The following NFAT5 variants were observed in gnomAD, a reference collection of about 807,000 sequenced individuals.
NFAT5 encodes the protein nuclear factor of activated T-cells 5.
In NFAT5, 31 loss-of-function variants were observed where a neutral mutation model predicts 166.5. The ratio of observed to expected loss-of-function variants is 0.19; its 90% CI spans 0.14 to 0.25. NFAT5 has a LOEUF of 0.25. Ranked by LOEUF, NFAT5 falls within the 10% of genes least tolerant of loss-of-function variation. NFAT5 has a pLI of 1.00. For synonymous variants in NFAT5, 612 were observed against 639.7 expected, an observed-to-expected ratio of 0.96 and a Z score of 0.65; for missense variants, 1,449 against 1,821.8, an observed-to-expected ratio of 0.80 and a Z score of 3.72.
chr16:69,576,285 C>T (rs1159598557), intron 2 of NFAT5, among the ~76,000 whole-genome samples: 7 of 125,208 alleles, frequency 5.6e-5, no homozygotes, highest in Non-Finnish European at 1.1e-4. Context: ...GAGTGAGACT[C>T]GGTCTCAAAA....
At chr16:69,636,557 G>C (rs150709649) in intron 3 of NFAT5, among the ~76,000 whole-genome samples, 21 of 152,322 alleles carry the variant, frequency 1.4e-4, no homozygotes, top group African/African-American at 5.1e-4. Context: ...AATCTAGGCG[G>C]AGGTTCCCAA....
chr16:69,574,408 C>G (rs1203794663), intron 2 of NFAT5, among the ~76,000 whole-genome samples: 1 of 152,066 alleles, frequency 6.6e-6, no homozygotes, highest in Non-Finnish European at 1.5e-5. Flanking sequence ...GCTGTGTCTT[C>G]TGTTTGCTTT....
chr16:69,576,179 A>C (rs1307673008), intron 2 of NFAT5, among the ~76,000 whole-genome samples: 1 of 151,228 alleles, frequency 6.6e-6, no homozygotes, highest in Non-Finnish European at 1.5e-5. Flanking sequence ...GTGGGCGGGC[A>C]CCTGTAGTCC....
At position 69,693,979 on chromosome 16, in the gene NFAT5, C is replaced by T. The variant is rs1247150539; in HGVS notation, c.4154C>T (p.Ser1385Phe). 1 of 1,614,206 alleles carries T rather than the reference C, an allele frequency of 6.2e-7. No homozygotes were observed. The highest frequency in any genetic ancestry group is 1.7e-5 in the Admixed American group (1 of 60,030). The change falls in exon 13 of 15, where the codon TCT (serine) becomes TTT (phenylalanine). Residue 1385 changes from serine (S) to phenylalanine (F), a missense_variant. Around this residue, in one of 7 missense-constraint regions of NFAT5, gnomAD observed 891 missense variants for 993.0 expected, o/e 0.90. Coordinates refer to ENST00000349945, the MANE Select transcript of NFAT5 (RefSeq NM_138713.4). ...CAGTTGGTACAAGGGTCACCTAGTT[C>T]TCAAGAGCAGCAAGTAACTCTCTTC... ...QIQLVQGSPS[S>F]QEQQVTLFLS... is the part of the protein sequence containing the mutation.
intron 3 of NFAT5, among the ~76,000 whole-genome samples, chr16:69,636,678 C>A (rs1175159172): frequency 6.6e-6 from 1 of 152,208 alleles, no homozygotes; most frequent in Non-Finnish European, 1.5e-5. Flanking sequence ...ACATTGGCCC[C>A]TTTCAGCTAT....
intron 7 of NFAT5, among the ~76,000 whole-genome samples, chr16:69,667,413 T>C (rs922936033): frequency 6.6e-6 from 1 of 151,852 alleles, no homozygotes; most frequent in South Asian, 2.1e-4. Context: ...TGCATAATTG[T>C]ATAATGTCAA....
At chr16:69,665,340 A>C (rs2036323524) in intron 7 of NFAT5, among the ~76,000 whole-genome samples, 1 of 140,984 alleles carries the variant, frequency 7.1e-6, no homozygotes, top group Admixed American at 7.4e-5. Flanking sequence ...AGGAGAAGGA[A>C]ATAAAGGGTA....
chr16:69,617,013 G>A (rs1033787014), intron 2 of NFAT5, among the ~76,000 whole-genome samples: 8 of 148,928 alleles, frequency 5.4e-5, no homozygotes, highest in African/African-American at 7.5e-5. Flanking sequence ...GCGCGATCTC[G>A]GCTCACTGCA....
rs1241952671 is a variant in NFAT5 at position 69,700,025 on chromosome 16, TA to T, written c.*3681del. The T allele has an allele frequency of 2.0e-5, 3 of 152,256 alleles. No individual in the cohort carries two copies. The South Asian group carries it at 6.2e-4, about 32-fold the overall frequency. 9.4% of individuals were successfully genotyped at this position (152,256 alleles called of 1,614,324 possible). A position where few individuals can be genotyped will look rare whatever the true frequency, so the allele number is the denominator to read the frequency against. Reference sequence around the variant, plus strand: ...CAAATCTGTTTTAAAACAAATAGTTTAAAAAAAGAACAAGTTTTTAAGGGCT... The same window carrying T: ...CAAATCTGTTTTAAAACAAATAGTTTAAAAAAGAACAAGTTTTTAAGGGCT... On this transcript the variant is annotated 3_prime_UTR_variant, in exon 15 of 15. Transcript: ENST00000349945.
intron 2 of NFAT5, among the ~76,000 whole-genome samples, chr16:69,624,189 T>C (rs2034337277): frequency 6.6e-6 from 1 of 152,186 alleles, no homozygotes; most frequent in East Asian, 1.9e-4. Context: ...TTTTTCCTTC[T>C]TTCTTTTATT....
At chr16:69,664,410 G>T (rs2036274885) in intron 7 of NFAT5, among the ~76,000 whole-genome samples, 1 of 151,948 alleles carries the variant, frequency 6.6e-6, no homozygotes, top group South Asian at 2.1e-4. Flanking sequence ...TCAGCCTCCC[G>T]AGTAGCTGGG....
At chr16:69,605,788 A>G (rs2033373297) in intron 2 of NFAT5, among the ~76,000 whole-genome samples, 1 of 151,230 alleles carries the variant, frequency 6.6e-6, no homozygotes, top group South Asian at 2.1e-4. Flanking sequence ...ATCTCGGCTC[A>G]CTGCAAGCTC....
chr16:69,568,366 GTGTGTGTGTGTA>G lies in NFAT5; in HGVS notation c.74-127_74-116del. On this transcript the variant is annotated intron_variant, in intron 1 of 14. Transcript: ENST00000349945. ...TATATATGTGTGTGTGTGTGTGTGTGTGTGTGTGTGTATATATATATATATATACACACACAC... is the reference window on the plus strand; with the variant it reads ...TATATATGTGTGTGTGTGTGTGTGTGTATATATATATATATACACACACAC... 7 of 383,118 alleles carry G rather than the reference GTGTGTGTGTGTA, an allele frequency of 1.8e-5. No homozygotes were observed. The East Asian group carries it at 2.6e-4, about 14-fold the overall frequency. 23.7% of individuals were successfully genotyped at this position (383,118 alleles called of 1,614,324 possible). A position where few individuals can be genotyped will look rare whatever the true frequency, so the allele number is the denominator to read the frequency against.
At chr16:69,614,878 C>CTTTT (rs55841097) in intron 2 of NFAT5, among the ~76,000 whole-genome samples, 4 of 130,982 alleles carry the variant, frequency 3.1e-5, no homozygotes, top group Non-Finnish European at 3.1e-5. Flanking sequence ...TTTCTTTTTC[C>CTTTT]TTTTTTTTTT....
chr16:69,567,115 T>C (rs924358045), intron 1 of NFAT5, among the ~76,000 whole-genome samples: 1 of 152,210 alleles, frequency 6.6e-6, no homozygotes, highest in African/African-American at 2.4e-5. Context: ...ATTGGTTTTA[T>C]TCCTCTCCTC....
At chr16:69,623,017 T>C (rs1263630973) in intron 2 of NFAT5, among the ~76,000 whole-genome samples, 1 of 152,068 alleles carries the variant, frequency 6.6e-6, no homozygotes, top group African/African-American at 2.4e-5. Flanking sequence ...TAGTGGTGTA[T>C]GCCTATAATC....
chr16:69,588,722 A>T, intron 2 of NFAT5, among the ~76,000 whole-genome samples: 1 of 152,202 alleles, frequency 6.6e-6, no homozygotes, highest in Non-Finnish European at 1.5e-5. Flanking sequence ...CATTTATTTT[A>T]TGAGTAAAAT....
intron 2 of NFAT5, among the ~76,000 whole-genome samples, chr16:69,623,349 T>TA (rs1304448104): frequency 1.3e-4 from 20 of 150,090 alleles, no homozygotes; most frequent in African/African-American, 4.7e-4. Context: ...TTTTTTTTTT[T>TA]AACAGTCTTG....
chr16:69,570,642 A>G (rs1464566823), intron 2 of NFAT5, among the ~76,000 whole-genome samples: 1 of 151,842 alleles, frequency 6.6e-6, no homozygotes, highest in Admixed American at 6.6e-5. Flanking sequence ...TATTTCTTGG[A>G]ATATTCTAGT....
Sources: allele counts gnomAD v4.1 joint callset (sites outside exome capture counted in the v4.1 genomes callset), GRCh38; gene constraint gnomAD v4.1.1; regional missense constraint gnomAD v4.1.1; transcripts MANE v1.5; gene names NCBI Gene and HGNC (gene_info 2026-07-23, HGNC 2026-07-21).